GPI: variants seen among roughly 807,000 people sequenced by gnomAD.
GPI encodes D-hexose-6-phosphate anomerase.
Under a neutral mutation model 75.8 loss-of-function variants are expected in GPI, and 56 were observed. The ratio of observed to expected loss-of-function variants is 0.74; its 90% CI spans 0.60 to 0.92. GPI has a LOEUF of 0.92. GPI is among the 40% of genes least tolerant of loss of function. GPI has a pLI of 0.00. For missense variants in GPI, 638 were observed against 741.0 expected, an observed-to-expected ratio of 0.86 and a Z score of 1.61; for synonymous variants, 288 against 285.4, an observed-to-expected ratio of 1.01 and a Z score of -0.09.
intron 9 of GPI, among the ~76,000 whole-genome samples, chr19:34,391,987 G>T (rs113349520): frequency 2.9e-4 from 14 of 47,844 alleles, no homozygotes; most frequent in Non-Finnish European, 8.9e-5. Context: ...GTTCATGTCT[G>T]AGGAGGTAGG....
In GPI at chr19:34,399,575, C is replaced by T; in HGVS notation, c.1418C>T (p.Pro473Leu). ...LPHKVFEGNR[P>L]TNSIVFTKLT... ...CTGCAGGTCTTTGAAGGAAATCGCC[C>T]AACCAACTCTATTGTGTTCACCAAG... is the stretch of plus-strand genomic sequence containing the variant. Residue 473 changes from proline to leucine, a missense_variant, in exon 16 of 18, where the codon CCA becomes CTA. Transcript: ENST00000356487. The T allele has an allele frequency of 3.1e-6, 5 of 1,614,122 alleles. No homozygotes were observed. Among genetic ancestry groups the T allele is most frequent in the Non-Finnish European group, 4.2e-6 (5 of 1,180,000 alleles).
chr19:34,364,210 T>G (rs1599795926), upstream of GPI, among the ~76,000 whole-genome samples: 1 of 151,728 alleles, frequency 6.6e-6, no homozygotes, highest in Non-Finnish European at 1.5e-5. Context: ...TTTTAGTATT[T>G]TAGAAGCAGT....
chr19:34,372,111 A>G (rs1396157790), intron 4 of GPI, among the ~76,000 whole-genome samples: 1 of 151,174 alleles, frequency 6.6e-6, no homozygotes, highest in African/African-American at 2.4e-5. Flanking sequence ...TTGTATTTTT[A>G]GTAGAGATGA....
Position 34,382,214 on chromosome 19 carries a change from G to A in GPI, c.804+695G>A, listed in dbSNP as rs8191390. Among the ~76,000 whole-genome samples, 285 of 152,294 alleles carry A rather than the reference G, an allele frequency of 1.9e-3. 3 individuals are homozygous for A. The South Asian group carries it at 0.026, about 14-fold the overall frequency. ...CACTGTGAATGCTGTGGGCATGGCC[G>A]GGCTTACGTGCAGGGCTCTAACGCT... On this transcript the variant is annotated intron_variant, in intron 9 of 17. Coordinates refer to ENST00000356487, the MANE Select transcript of GPI (RefSeq NM_000175.5).
rs1308127835 is a variant in GPI at position 34,377,327 on chromosome 19, AAAAAAAAAAATATAT to A, written c.403-174_403-160del. Among the ~76,000 whole-genome samples, 22 of 93,038 alleles carry A rather than the reference AAAAAAAAAAATATAT, an allele frequency of 2.4e-4. 4 individuals are homozygous for A. The highest frequency in any genetic ancestry group is 9.4e-4 in the African/African-American group (18 of 19,130). 61.0% of individuals were successfully genotyped at this position (93,038 alleles called of 152,430 possible). ...AAAAAAAAAAAAAAAAAAAAAAAAA[AAAAAAAAAAATATAT>A]ATATATATATATATATGGTAAATTA... is the stretch of plus-strand genomic sequence containing the variant. On this transcript the variant is annotated intron_variant, in intron 4 of 17. Coordinates refer to ENST00000356487, the MANE Select transcript of GPI (RefSeq NM_000175.5).
chr19:34,383,833 A>G (rs962920685), intron 9 of GPI, among the ~76,000 whole-genome samples: 1 of 152,164 alleles, frequency 6.6e-6, no homozygotes, highest in Non-Finnish European at 1.5e-5. Flanking sequence ...AGCCAGTCAG[A>G]CAGTGTTTGT....
intron 9 of GPI, among the ~76,000 whole-genome samples, chr19:34,382,356 C>T (rs2074668114): frequency 6.6e-6 from 1 of 152,188 alleles, no homozygotes; most frequent in Admixed American, 6.5e-5. Flanking sequence ...GACATAACCT[C>T]ATTCCTTTGA....
chr19:34,364,546 A>G (rs912345861), upstream of GPI, among the ~76,000 whole-genome samples: 8 of 144,554 alleles, frequency 5.5e-5, no homozygotes, highest in African/African-American at 2.0e-4. Context: ...TAATTTTTGC[A>G]TTTTTTTTTT....
Position 34,366,396 on chromosome 19 carries a change from C to G in GPI, c.174C>G (p.Asn58Lys), listed in dbSNP as rs2074365853. Residue 58 changes from asparagine to lysine, a missense_variant, in exon 2 of 18, where the codon AAC becomes AAG. Asn to Lys is a moderately conservative substitution (Grantham distance 94, BLOSUM62 0). Transcript: ENST00000356487. ...ATATCCTGGTGGATTACTCCAAGAA[C>G]CTGGTGACGGAGGACGTGATGCGGA... Reference protein sequence around the residue: ...HGHILVDYSKNLVTEDVMRML... With the variant: ...HGHILVDYSKKLVTEDVMRML... 6.2e-7 allele frequency: 1 copy of G among 1,613,722 alleles called. No homozygotes were observed. Among genetic ancestry groups the G allele is most frequent in the Non-Finnish European group, 8.5e-7 (1 of 1,179,576 alleles).
At chr19:34,392,905 G>T (rs1049626214) in intron 9 of GPI, 1 of 294,382 alleles carries the variant, frequency 3.4e-6, no homozygotes, top group Non-Finnish European at 6.2e-6. Context: ...GGGCCCTGGC[G>T]CAGGTATGAG....
chr19:34,380,518 GTGATC>G (rs1258574933), intron 8 of GPI, among the ~76,000 whole-genome samples: 1 of 152,218 alleles, frequency 6.6e-6, no homozygotes, highest in African/African-American at 2.4e-5. Context: ...TTGACCTCAA[GTGATC>G]TGCCCACCTC....
rs1318579387 is a variant in GPI, at chr19:34,366,363, C to A, written c.141C>A (p.Asn47Lys). 5.6e-6 allele frequency: 9 copies of A among 1,612,090 alleles called. No individual in the cohort carries two copies. Among genetic ancestry groups the A allele is most frequent in the Middle Eastern group, 1.7e-4 (1 of 6,060 alleles). ...TCTGCAGCTTGACCCTCAACACCAA[C>A]CATGGGCATATCCTGGTGGATTACT... ...FNHFSLTLNTNHGHILVDYSK... is the reference protein window; with the variant it reads ...FNHFSLTLNTKHGHILVDYSK... Residue 47 changes from asparagine (N) to lysine (K), a missense_variant, in exon 2 of 18, where the codon AAC (asparagine) becomes AAA (lysine). Transcript: ENST00000356487.
In GPI at chr19:34,389,969, C is replaced by T. The variant is rs190752941; in HGVS notation, c.805-3279C>T. Among the ~76,000 whole-genome samples, 18 of 152,272 alleles carry T rather than the reference C, an allele frequency of 1.2e-4. No homozygotes were observed. In the East Asian group the frequency reaches 3.3e-3, roughly 28 times the overall value. ...CTCTGATGGCACCAAGTGGAGCTTG[C>T]AGGTGTGGCTTGAGAAGGTGCAGTG... On this transcript the variant is annotated intron_variant, in intron 9 of 17. Transcript: ENST00000356487.
chr19:34,361,286 G>T (rs1461436621), upstream of GPI, among the ~76,000 whole-genome samples: 1 of 151,986 alleles, frequency 6.6e-6, no homozygotes, highest in Non-Finnish European at 1.5e-5. Context: ...AGAGACGGGG[G>T]TTTCACCATG....
chr19:34,381,444 C>A, intron 8 of GPI, 22 bp from the exon 9 acceptor site: 1 of 1,542,168 alleles, frequency 6.5e-7, no homozygotes, highest in Non-Finnish European at 9.0e-7. Flanking sequence ...GCATTTCTCT[C>A]CCTTTGTTTT....
upstream of GPI, among the ~76,000 whole-genome samples, chr19:34,362,113 CAAAAAA>C (rs71165651): frequency 1.0e-4 from 8 of 79,658 alleles, no homozygotes; most frequent in African/African-American, 1.9e-4. Flanking sequence ...GACTCCATCT[CAAAAAA>C]AAAAAAAAAA....
At chr19:34,395,418 T>G (rs1271573289) in intron 12 of GPI, among the ~76,000 whole-genome samples, 1 of 152,150 alleles carries the variant, frequency 6.6e-6, no homozygotes, top group South Asian at 2.1e-4. Flanking sequence ...GTGCGGCACC[T>G]ATAGTCCCAG....
At chr19:34,383,762 G>C (rs975317625) in intron 9 of GPI, among the ~76,000 whole-genome samples, 1 of 152,166 alleles carries the variant, frequency 6.6e-6, no homozygotes, top group African/African-American at 2.4e-5. Context: ...GGTGCGGTCT[G>C]AGTGGCTCAG....
intron 4 of GPI, among the ~76,000 whole-genome samples, chr19:34,371,748 G>A (rs1488207662): frequency 6.6e-6 from 1 of 151,430 alleles, no homozygotes; most frequent in African/African-American, 2.4e-5. Flanking sequence ...CCAGCTACTC[G>A]GGAGGCTGAG....
Sources: allele counts gnomAD v4.1 joint callset (sites outside exome capture counted in the v4.1 genomes callset), GRCh38; gene constraint gnomAD v4.1.1; transcripts MANE v1.5; gene names NCBI Gene and HGNC (gene_info 2026-07-23, HGNC 2026-07-21).